Variants in DCC observed in about 807,000 individuals in gnomAD.
DCC encodes netrin receptor DCC.
In DCC, 58 loss-of-function variants were observed where a neutral mutation model predicts 172.5. The ratio of observed to expected loss-of-function variants is 0.34; its 90% CI spans 0.27 to 0.42. The LOEUF (loss-of-function observed/expected upper bound fraction) is 0.42. Among genes scored for constraint, DCC ranks in the 10% least tolerant of loss-of-function variants. The pLI is 1.00. For synonymous variants in DCC, 709 were observed against 644.5 expected, an observed-to-expected ratio of 1.10 and a Z score of -1.52; for missense variants, 1,740 against 1,791.0, an observed-to-expected ratio of 0.97 and a Z score of 0.51.
At chr18:52,350,538 C>T (rs1056011376) in intron 1 of DCC, among the ~76,000 whole-genome samples, 1 of 150,808 alleles carries the variant, frequency 6.6e-6, no homozygotes, top group Admixed American at 6.6e-5. Context: ...GAGTTGGGGG[C>T]TAGGGGAGGG....
In DCC at chr18:52,936,663, G is replaced by T. The variant is rs931866379; in HGVS notation, c.985+11293G>T. ...CCTAACAATCTAAGCAAGGTGAATTGACAATCTGTGGCTCACAAGGAGGAG... is the reference window on the plus strand; with the variant it reads ...CCTAACAATCTAAGCAAGGTGAATTTACAATCTGTGGCTCACAAGGAGGAG... On this transcript the variant is annotated intron_variant, in intron 5 of 28. Transcript: ENST00000442544. 2.0e-5 allele frequency among the ~76,000 whole-genome samples: 3 copies of T among 151,660 alleles called. 1 individual carries two copies. The highest frequency in any genetic ancestry group is 7.3e-5 in the African/African-American group (3 of 41,338).
At chr18:53,339,195 T>A (rs1599038966) in intron 14 of DCC, among the ~76,000 whole-genome samples, 2 of 152,336 alleles carry the variant, frequency 1.3e-5, no homozygotes, top group East Asian at 3.9e-4. Flanking sequence ...TTCACTGATT[T>A]AATAAACCAT....
intron 26 of DCC, among the ~76,000 whole-genome samples, chr18:53,488,027 C>A (rs1237038024): frequency 6.6e-6 from 1 of 152,170 alleles, no homozygotes; most frequent in African/African-American, 2.4e-5. Flanking sequence ...AAAAAAAAGA[C>A]AAGTTTTAAT....
At chr18:53,021,901 A>G (rs934739007) in intron 5 of DCC, among the ~76,000 whole-genome samples, 2 of 152,330 alleles carry the variant, frequency 1.3e-5, no homozygotes, top group Admixed American at 1.3e-4. Flanking sequence ...ACTTTATTCA[A>G]AAGTTCTGGT....
intron 12 of DCC, among the ~76,000 whole-genome samples, chr18:53,281,977 G>C (rs745640179): frequency 4.6e-5 from 7 of 152,082 alleles, no homozygotes; most frequent in Non-Finnish European, 8.8e-5. Context: ...TCAAAACTAA[G>C]ACAAGCACCC....
At chr18:53,288,395 A>T (rs1416215727) in intron 12 of DCC, among the ~76,000 whole-genome samples, 1 of 152,150 alleles carries the variant, frequency 6.6e-6, no homozygotes, top group African/African-American at 2.4e-5. Flanking sequence ...TAGTTACATT[A>T]GAATGATCAC....
At chr18:52,670,473 TA>T (rs1253985357) in intron 1 of DCC, among the ~76,000 whole-genome samples, 1 of 152,226 alleles carries the variant, frequency 6.6e-6, no homozygotes, top group Non-Finnish European at 1.5e-5. Flanking sequence ...AGAAAATTAT[TA>T]AATGTCCATT....
At chr18:52,502,146 A>G (rs1272921388) in intron 1 of DCC, among the ~76,000 whole-genome samples, 2 of 152,214 alleles carry the variant, frequency 1.3e-5, no homozygotes, top group Admixed American at 6.6e-5. Flanking sequence ...CATATTGTAT[A>G]TAAGTTTGTA....
intron 8 of DCC, among the ~76,000 whole-genome samples, chr18:53,163,353 T>A (rs1461550352): frequency 6.6e-6 from 1 of 152,236 alleles, no homozygotes; most frequent in Non-Finnish European, 1.5e-5. Context: ...CCAAAAAAAG[T>A]TGATATTAAA....
chr18:52,366,799 C>G (rs1014208470), intron 1 of DCC, among the ~76,000 whole-genome samples: 2 of 152,232 alleles, frequency 1.3e-5, no homozygotes, highest in Non-Finnish European at 2.9e-5. Flanking sequence ...GACATAAAGA[C>G]TCTCCACCTC....
At chr18:52,818,938 G>A (rs979399228) in intron 2 of DCC, among the ~76,000 whole-genome samples, 1 of 152,080 alleles carries the variant, frequency 6.6e-6, no homozygotes, top group Non-Finnish European at 1.5e-5. Flanking sequence ...TTAATTTTTT[G>A]TATTTTTCTA....
intron 1 of DCC, among the ~76,000 whole-genome samples, chr18:52,364,964 A>G (rs1984781646): frequency 6.6e-6 from 1 of 152,220 alleles, no homozygotes; most frequent in Non-Finnish European, 1.5e-5. Flanking sequence ...TCATAGCAGA[A>G]AACTCTAAAT....
intron 1 of DCC, among the ~76,000 whole-genome samples, chr18:52,732,162 A>G (rs2036652342): frequency 6.6e-6 from 1 of 151,862 alleles, no homozygotes. Context: ...AAAGCTACTG[A>G]CTCCTCCCAT....
intron 1 of DCC, among the ~76,000 whole-genome samples, chr18:52,410,117 T>C (rs1184697851): frequency 4.6e-5 from 7 of 152,128 alleles, no homozygotes; most frequent in Non-Finnish European, 1.0e-4. Context: ...AAAATCTTTG[T>C]TTTTCCCCTT....
chr18:52,534,096 C>T (rs562228506), intron 1 of DCC, among the ~76,000 whole-genome samples: 1 of 152,054 alleles, frequency 6.6e-6, no homozygotes, highest in Admixed American at 6.6e-5. Flanking sequence ...TTTGGTTTAC[C>T]CATTTGTGAA....
At chr18:53,360,307 A>C (rs916539556) in intron 15 of DCC, among the ~76,000 whole-genome samples, 1 of 152,154 alleles carries the variant, frequency 6.6e-6, no homozygotes, top group Non-Finnish European at 1.5e-5. Context: ...TACTTCTAGC[A>C]ATGTCTATTC....
At chr18:52,551,757 C>CACACAT (rs1555696373) in intron 1 of DCC, among the ~76,000 whole-genome samples, 3,023 of 139,512 alleles carry the variant, frequency 0.022, 598 homozygotes, top group African/African-American at 0.07. Context: ...CACACACACA[C>CACACAT]ACACACACAC....
chr18:53,372,928 T>A (rs1364794372), intron 15 of DCC, among the ~76,000 whole-genome samples: 1 of 152,126 alleles, frequency 6.6e-6, no homozygotes, highest in African/African-American at 2.4e-5. Context: ...GTAGCCCCTT[T>A]TAAGTTTGCA....
chr18:53,517,440 AAATATAATAATAATAAT>A (rs2046348080), intron 27 of DCC, among the ~76,000 whole-genome samples: 1 of 128,664 alleles, frequency 7.8e-6, no homozygotes, highest in African/African-American at 2.8e-5. Context: ...CTAAAACTTA[AAATATAATAATAATAAT>A]AATAATAATA....
Sources: allele counts gnomAD v4.1 joint callset (sites outside exome capture counted in the v4.1 genomes callset), GRCh38; gene constraint gnomAD v4.1.1; transcripts MANE v1.5; gene names NCBI Gene and HGNC (gene_info 2026-07-23, HGNC 2026-07-21).